Variants in PRKX observed in about 807,000 individuals in gnomAD.
PRKX encodes the protein protein kinase cAMP-dependent X-linked catalytic subunit, also known as cAMP-dependent protein kinase catalytic subunit PRKX.
In PRKX, 12 loss-of-function variants were observed where a neutral mutation model predicts 22.0. The ratio of observed to expected loss-of-function variants is 0.54; its 90% CI spans 0.35 to 0.88. The LOEUF (loss-of-function observed/expected upper bound fraction) is 0.88, where lower values mean the gene tolerates loss of function less well. Among genes scored for constraint, PRKX ranks in the 40% least tolerant of loss-of-function variants. The pLI, the probability that PRKX is intolerant of heterozygous loss-of-function variation, is 0.01. For missense variants in PRKX, 217 were observed against 308.0 expected, an observed-to-expected ratio of 0.70 and a Z score of 2.21; for synonymous variants, 134 against 137.7, an observed-to-expected ratio of 0.97 and a Z score of 0.19.
intron 4 of PRKX, among the ~76,000 whole-genome samples, chrX:3,626,894 T>A (rs190583284): frequency 9.2e-4 from 103 of 111,848 alleles, no homozygotes; most frequent in African/African-American, 3.3e-3. Context: ...TCCACCACCA[T>A]GACCAAGCAT....
intron 6 of PRKX, among the ~76,000 whole-genome samples, chrX:3,616,184 G>A (rs1569229784): frequency 9.0e-6 from 1 of 111,212 alleles, no homozygotes; most frequent in Non-Finnish European, 1.9e-5. Context: ...TCCATCTCTC[G>A]ACATAAAATT....
At chrX:3,679,932 G>A (rs2146598151) in intron 1 of PRKX, among the ~76,000 whole-genome samples, 1 of 111,660 alleles carries the variant, frequency 9.0e-6, no homozygotes, top group Non-Finnish European at 1.9e-5. Flanking sequence ...CATTCTATGT[G>A]TGCAATTCTG....
intron 7 of PRKX, among the ~76,000 whole-genome samples, chrX:3,613,854 C>CAAAAAAAAAAAAAAAAAAAAAAAAAAA (rs1205221732): frequency 1.5e-4 from 6 of 39,421 alleles, no homozygotes; most frequent in Admixed American, 4.8e-4. Flanking sequence ...GACTCCATCT[C>CAAAAAAAAAAAAAAAAAAAAAAAAAAA]AAAAAAAAAA....
At chrX:3,658,981 T>A (rs564704833) in intron 2 of PRKX, among the ~76,000 whole-genome samples, 1 of 111,427 alleles carries the variant, frequency 9.0e-6, no homozygotes, top group East Asian at 2.8e-4. Context: ...AGAAAAATCA[T>A]AGGCTGGGCA....
chrX:3,684,121 G>A (rs1928127338), intron 1 of PRKX, among the ~76,000 whole-genome samples: 1 of 110,628 alleles, frequency 9.0e-6, no homozygotes. Flanking sequence ...TGGTAGTGGC[G>A]CGCTCCTGTA....
intron 1 of PRKX, among the ~76,000 whole-genome samples, chrX:3,692,730 C>T (rs1321753071): frequency 2.7e-5 from 3 of 110,732 alleles, no homozygotes; most frequent in Non-Finnish European, 3.8e-5. Context: ...AGTTTCACCA[C>T]GTTAGCCAGG....
At chrX:3,705,613 T>C (rs1200198648) in intron 1 of PRKX, among the ~76,000 whole-genome samples, 1 of 111,830 alleles carries the variant, frequency 8.9e-6, no homozygotes, top group Non-Finnish European at 1.9e-5. Context: ...GAGGTCACAA[T>C]TCTAAGTAAA....
At chrX:3,654,273 TATA>T (rs1291808927) in intron 3 of PRKX, among the ~76,000 whole-genome samples, 3 of 97,102 alleles carry the variant, frequency 3.1e-5, no homozygotes, top group Non-Finnish European at 4.0e-5. Context: ...ACTATACATA[TATA>T]ATACTATATC....
intron 4 of PRKX, among the ~76,000 whole-genome samples, chrX:3,639,846 G>A (rs981040597): frequency 6.3e-5 from 7 of 110,630 alleles, no homozygotes; most frequent in African/African-American, 2.0e-4. Context: ...CACATGGGAC[G>A]ATGACCCCTG....
At chrX:3,663,687 CAG>C (rs1264744863) in intron 2 of PRKX, among the ~76,000 whole-genome samples, 2 of 104,061 alleles carry the variant, frequency 1.9e-5, no homozygotes, top group African/African-American at 7.1e-5. Flanking sequence ...ACAGTGAATG[CAG>C]AGTCAAAGAA....
At chrX:3,703,014 A>AGAAT (rs1928610128) in intron 1 of PRKX, among the ~76,000 whole-genome samples, 1 of 111,195 alleles carries the variant, frequency 9.0e-6, no homozygotes, top group Non-Finnish European at 1.9e-5. Flanking sequence ...AACATATTAA[A>AGAAT]GAATGACCAG....
chrX:3,634,664 C>T (rs1926851374), intron 4 of PRKX, among the ~76,000 whole-genome samples: 1 of 111,143 alleles, frequency 9.0e-6, no homozygotes, highest in Admixed American at 9.6e-5. Flanking sequence ...ATTCACAAAA[C>T]CCAGAAAATA....
At chrX:3,711,296 A>G (rs1928783539) in intron 1 of PRKX, among the ~76,000 whole-genome samples, 2 of 110,425 alleles carry the variant, frequency 1.8e-5, no homozygotes, top group Middle Eastern at 4.7e-3. Flanking sequence ...CCTCATTAAG[A>G]GAGCACTGAC....
chrX:3,675,081 G>A (rs1328892170), intron 1 of PRKX, among the ~76,000 whole-genome samples: 1 of 111,523 alleles, frequency 9.0e-6, no homozygotes, highest in Non-Finnish European at 1.9e-5. Context: ...ATCAGTCTTC[G>A]CACACAGCAC....
At chrX:3,664,191 G>A (rs1224640393) in intron 2 of PRKX, among the ~76,000 whole-genome samples, 1 of 111,761 alleles carries the variant, frequency 8.9e-6, no homozygotes, top group Non-Finnish European at 1.9e-5. Context: ...GCGCATCCAT[G>A]GCCCCTTTCC....
At chrX:3,629,557 A>G (rs753699220) in intron 4 of PRKX, among the ~76,000 whole-genome samples, 192 of 110,908 alleles carry the variant, frequency 1.7e-3, no homozygotes, top group African/African-American at 5.8e-3. Context: ...CACACCCATT[A>G]CTGAATTTCT....
intron 1 of PRKX, among the ~76,000 whole-genome samples, chrX:3,680,995 G>A (rs1436874937): frequency 9.0e-6 from 1 of 111,726 alleles, no homozygotes; most frequent in Admixed American, 9.6e-5. Context: ...GATCACTTGA[G>A]CCCAGGAGGT....
chrX:3,699,757 G>A (rs754012125), intron 1 of PRKX, among the ~76,000 whole-genome samples: 1 of 112,702 alleles, frequency 8.9e-6, no homozygotes, highest in Non-Finnish European at 1.9e-5. Context: ...AAACACTACA[G>A]CCAAATGGCA....
chrX:3,698,155 A>G lies in PRKX; in HGVS notation c.166+14933T>C, dbSNP rs976397803. The stretch of plus-strand genomic sequence containing the variant: ...TCCAAAGAATTAGAGTGTTTTCAGC[A>G]GCCTTAAGCGTTGTCATGAAATCAG... On this transcript the variant is annotated intron_variant, in intron 1 of 8. Coordinates refer to ENST00000262848, the MANE Select transcript of PRKX (RefSeq NM_005044.5). Among the ~76,000 whole-genome samples the G allele has an allele frequency of 4.5e-5, 5 of 111,628 alleles. No homozygotes were observed. In the Admixed American group the frequency reaches 4.8e-4, roughly 11 times the overall value.
Sources: allele counts gnomAD v4.1 joint callset (sites outside exome capture counted in the v4.1 genomes callset), GRCh38; gene constraint gnomAD v4.1.1; transcripts MANE v1.5; gene names NCBI Gene and HGNC (gene_info 2026-07-23, HGNC 2026-07-21).